Variants in RFX4 observed in about 807,000 individuals in gnomAD.
RFX4 encodes regulatory factor X4, also known as transcription factor RFX4.
Under a neutral mutation model 95.0 loss-of-function variants are expected in RFX4, and 10 were observed. That is an observed-to-expected ratio of 0.11 (90% CI 0.06 to 0.18). The LOEUF (loss-of-function observed/expected upper bound fraction) is 0.18. Among genes scored for constraint, RFX4 ranks in the 10% least tolerant of loss-of-function variants. The probability of loss-of-function intolerance (pLI) is 1.00; values close to 1 mark genes in which losing one functional copy is unlikely to be tolerated. For missense variants in RFX4, 640 were observed against 922.0 expected, an observed-to-expected ratio of 0.69 and a Z score of 3.96; for synonymous variants, 321 against 340.7, an observed-to-expected ratio of 0.94 and a Z score of 0.64.
intron 1 of RFX4, among the ~76,000 whole-genome samples, chr12:106,604,354 T>G (rs2039780176): frequency 6.6e-6 from 1 of 152,018 alleles, no homozygotes; most frequent in African/African-American, 2.4e-5. Context: ...ACTCCTGACC[T>G]CCGGTGATCA....
chr12:106,675,721 G>A (rs1174899266), intron 4 of RFX4, among the ~76,000 whole-genome samples: 2 of 152,222 alleles, frequency 1.3e-5, no homozygotes, highest in Non-Finnish European at 2.9e-5. Flanking sequence ...TACAAGCTGA[G>A]ATGTGAGGAT....
chr12:106,633,188 C>T lies in RFX4; in HGVS notation c.131-6144C>T, dbSNP rs145302264. ...TCACCAGTGATCTAAGGAAAGGAGC[C>T]AGCAGAGGTGGACAGCACCTGTTTG... On this transcript the variant is annotated intron_variant, in intron 2 of 17. Coordinates refer to ENST00000392842, the MANE Select transcript of RFX4 (RefSeq NM_213594.3). 2.3e-4 allele frequency among the ~76,000 whole-genome samples: 35 copies of T among 152,284 alleles called. No homozygotes were observed. In the East Asian group the frequency reaches 6.8e-3, roughly 29 times the overall value.
intron 2 of RFX4, among the ~76,000 whole-genome samples, chr12:106,615,566 T>C (rs1166675308): frequency 2.0e-5 from 3 of 152,226 alleles, no homozygotes; most frequent in Non-Finnish European, 4.4e-5. Flanking sequence ...TATAATAAAT[T>C]TGGGAAGAAC....
intron 6 of RFX4, among the ~76,000 whole-genome samples, chr12:106,688,029 A>AAAT (rs1370017928): frequency 6.6e-6 from 1 of 151,790 alleles, no homozygotes; most frequent in Non-Finnish European, 1.5e-5. Flanking sequence ...CTGGAAAAAT[A>AAAT]AATTTGGGGA....
intron 4 of RFX4, among the ~76,000 whole-genome samples, chr12:106,680,182 T>G (rs941394939): frequency 2.0e-5 from 3 of 152,232 alleles, no homozygotes; most frequent in Non-Finnish European, 4.4e-5. Context: ...AACATTCTTG[T>G]GAGGTGCATC....
At chr12:106,708,355 T>C (rs1012860390) in intron 8 of RFX4, among the ~76,000 whole-genome samples, 102 of 151,256 alleles carry the variant, frequency 6.7e-4, no homozygotes, top group African/African-American at 2.4e-3. Flanking sequence ...TTTTTTTTTT[T>C]CCCTGAGAAG....
chr12:106,737,279 C>A (rs2042729172), intron 15 of RFX4, among the ~76,000 whole-genome samples: 2 of 134,898 alleles, frequency 1.5e-5, no homozygotes, highest in African/African-American at 5.4e-5. Context: ...TCCATTTCTC[C>A]AAAATATATT....
chr12:106,679,476 C>A (rs1005506057), intron 4 of RFX4, among the ~76,000 whole-genome samples: 7 of 150,950 alleles, frequency 4.6e-5, no homozygotes, highest in South Asian at 2.1e-4. Context: ...AAAAAAAAAA[C>A]CAAAAACCAC....
chr12:106,756,455 C>T (rs547742439), intron 17 of RFX4, among the ~76,000 whole-genome samples: 2 of 152,166 alleles, frequency 1.3e-5, no homozygotes, highest in African/African-American at 2.4e-5. Flanking sequence ...AGCTAATCAC[C>T]CCCTCTCACA....
Position 106,762,408 on chromosome 12 carries a change from C to T in RFX4, c.*939C>T, listed in dbSNP as rs1026377301. On this transcript the variant is annotated 3_prime_UTR_variant, in exon 18 of 18. Transcript: ENST00000392842. ...TCCTTCATAAAACTATAATAATATCCGACACTTTGATAGAAAAAAATTCAA... is the reference window on the plus strand; with the variant it reads ...TCCTTCATAAAACTATAATAATATCTGACACTTTGATAGAAAAAAATTCAA... The T allele has an allele frequency of 5.9e-5, 9 of 152,464 alleles. No individual in the cohort carries two copies. The highest frequency in any genetic ancestry group is 4.1e-4 in the South Asian group (2 of 4,822). 9.4% of individuals were successfully genotyped at this position (152,464 alleles called of 1,614,324 possible). A position where few individuals can be genotyped will look rare whatever the true frequency, so the allele number is the denominator to read the frequency against.
At chr12:106,756,084 G>T (rs1056624284) in intron 17 of RFX4, among the ~76,000 whole-genome samples, 5 of 152,154 alleles carry the variant, frequency 3.3e-5, no homozygotes, top group Admixed American at 2.6e-4. Flanking sequence ...AAACCTCCCA[G>T]CCCTGCTTAG....
chr12:106,641,088 A>G (rs2137283684), intron 3 of RFX4, among the ~76,000 whole-genome samples: 1 of 152,266 alleles, frequency 6.6e-6, no homozygotes, highest in Non-Finnish European at 1.5e-5. Flanking sequence ...GCCAACAAAC[A>G]TTCTTGCTTT....
intron 4 of RFX4, among the ~76,000 whole-genome samples, chr12:106,663,321 C>T (rs996595205): frequency 6.6e-6 from 1 of 151,976 alleles, no homozygotes; most frequent in African/African-American, 2.4e-5. Context: ...GGGATGCTAA[C>T]ATAAATAGTA....
intron 17 of RFX4, among the ~76,000 whole-genome samples, chr12:106,757,139 A>C (rs531448858): frequency 1.3e-5 from 2 of 152,334 alleles, no homozygotes; most frequent in African/African-American, 4.8e-5. Flanking sequence ...TGACCCTGTG[A>C]TTCTAAAAAG....
intron 3 of RFX4, among the ~76,000 whole-genome samples, chr12:106,647,395 T>G (rs2137301059): frequency 6.6e-6 from 1 of 152,276 alleles, no homozygotes; most frequent in East Asian, 1.9e-4. Flanking sequence ...TGTTTACTCA[T>G]CTTGTGGGGG....
chr12:106,752,694 G>A (rs759126655), intron 17 of RFX4, among the ~76,000 whole-genome samples: 15 of 152,102 alleles, frequency 9.9e-5, no homozygotes, highest in Non-Finnish European at 1.3e-4. Context: ...ATCTTAAGCC[G>A]AAGAATCCTC....
chr12:106,750,476 C>CA (rs374736367), intron 16 of RFX4, among the ~76,000 whole-genome samples, 179 bp from the exon 17 acceptor site: 1,654 of 48,850 alleles, frequency 0.034, 17 homozygotes, highest in African/African-American at 0.047. Context: ...GACCCTGACT[C>CA]AAAAAAAAAA....
chr12:106,644,429 T>C (rs1565962021), intron 3 of RFX4, among the ~76,000 whole-genome samples: 1 of 152,124 alleles, frequency 6.6e-6, no homozygotes, highest in Admixed American at 6.6e-5. Context: ...GATGGGGTTT[T>C]ACCATGTTGG....
chr12:106,628,232 G>A lies in RFX4; in HGVS notation c.131-11100G>A, dbSNP rs144548870. On this transcript the variant is annotated intron_variant, in intron 2 of 17. Transcript: ENST00000392842. The stretch of plus-strand genomic sequence containing the variant: ...CTCCTCTGGGGAAGAAGGACATACC[G>A]TTTCCTCTGGGCTTTGAGCACACTG... Among the ~76,000 whole-genome samples the A allele has an allele frequency of 2.2e-3, 338 of 152,208 alleles. 3 individuals carry two copies. Among genetic ancestry groups the A allele is most frequent in the African/African-American group, 7.7e-3 (318 of 41,526 alleles).
Sources: gnomAD v4.1 joint callset for allele counts (sites outside exome capture counted in the v4.1 genomes callset) on GRCh38, gnomAD v4.1.1 for gene constraint, MANE v1.5 for transcripts, NCBI Gene and HGNC (gene_info 2026-07-23, HGNC 2026-07-21) for gene names.